Variants in PLEKHG2 observed in about 807,000 individuals in gnomAD.
The protein encoded by PLEKHG2 is pleckstrin homology domain-containing family G member 2.
Under a neutral mutation model 104.4 loss-of-function variants are expected in PLEKHG2, and 71 were observed. That is an observed-to-expected ratio of 0.68 (90% confidence interval 0.56 to 0.83). PLEKHG2 has a LOEUF of 0.83. Among genes scored for constraint, PLEKHG2 ranks in the 40% least tolerant of loss-of-function variants. The pLI is 0.00. For missense variants in PLEKHG2, 1,730 were observed against 1,809.4 expected (o/e 0.96, Z 0.80); for synonymous variants, 728 against 737.0 (o/e 0.99, Z 0.20).
intron 13 of PLEKHG2, 31 bp from the exon 14 acceptor site, chr19:39,420,918 T>C (rs752724007): frequency 6.2e-7 from 1 of 1,614,072 alleles, no homozygotes; most frequent in South Asian, 1.1e-5. Context: ...GGAGCTGGGC[T>C]CACACAGGGC....
intron 7 of PLEKHG2, 82 bp downstream of exon 7, chr19:39,417,082 C>T: frequency 6.9e-7 from 1 of 1,456,586 alleles, no homozygotes; most frequent in Non-Finnish European, 9.2e-7. Context: ...GGAGGATGGA[C>T]CCCCCACGAG....
rs1442735221 is a variant in PLEKHG2, at chr19:39,424,743, A to G, written c.3610A>G (p.Ile1204Val). ...LTPSLEQKSL[I>V]DAHVPAATPL... ...ACCTTCGTTGGAGCAGAAGAGCCTC[A>G]TAGATGCCCATGTTCCAGCTGCCAC... Residue 1204 changes from isoleucine to valine, a missense_variant, in exon 19 of 19, where the codon ATA becomes GTA. Coordinates refer to ENST00000425673, the MANE Select transcript of PLEKHG2 (RefSeq NM_022835.3). The G allele has an allele frequency of 1.9e-6, 3 of 1,614,074 alleles. No homozygotes were observed. Among genetic ancestry groups the G allele is most frequent in the Non-Finnish European group, 2.5e-6 (3 of 1,180,044 alleles).
At chr19:39,414,958 G>A (rs770403253) in intron 2 of PLEKHG2, 34 bp from the exon 3 acceptor site, 3 of 1,549,340 alleles carry the variant, frequency 1.9e-6, no homozygotes, top group Non-Finnish European at 2.6e-6. Flanking sequence ...TGCATGGGGA[G>A]ATTTCTCTGA....
rs2078596935 is a variant in PLEKHG2, at chr19:39,415,962, A to G, written c.480-386A>G. ...ACTGCTCAGTCCCGGACAAACCAGG[A>G]TGGTTGGTCACTGTGGTAAGGAGGA... On this transcript the variant is annotated intron_variant, in intron 4 of 18. Transcript: ENST00000425673. This position sits in a 1 kb window ranked among gnomAD's most constrained non-coding sequence, Gnocchi z 4.6. Among the ~76,000 whole-genome samples, 1 of 152,138 alleles carries G rather than the reference A, an allele frequency of 6.6e-6. No individual in the cohort carries two copies. Among genetic ancestry groups the G allele is most frequent in the African/African-American group, 2.4e-5 (1 of 41,420 alleles).
chr19:39,420,830 T>A lies in PLEKHG2; in HGVS notation c.1377T>A (p.Phe459Leu). Residue 459 changes from phenylalanine (F) to leucine (L), a missense_variant, in exon 13 of 19, where the codon TTT becomes TTA. Physicochemically the swap from Phe to Leu is conservative, Grantham distance 22. Coordinates refer to ENST00000425673, the MANE Select transcript of PLEKHG2 (RefSeq NM_022835.3). ...GSPRPRDARS[F>L]TPGRRNTAPS... ...CTCGACCTCGAGATGCTAGAAGTTTTACCCCTGGGCGAAGGAACACAGGTA... is the reference window on the plus strand; with the variant it reads ...CTCGACCTCGAGATGCTAGAAGTTTAACCCCTGGGCGAAGGAACACAGGTA... 2 of 1,614,186 alleles carry A rather than the reference T, an allele frequency of 1.2e-6. No individual in the cohort carries two copies. Among genetic ancestry groups the A allele is most frequent in the Non-Finnish European group, 1.7e-6 (2 of 1,180,038 alleles).
In PLEKHG2 at chr19:39,424,658, A is replaced by T. The variant is rs1911002502; in HGVS notation, c.3525A>T (p.Pro1175=). Residue 1175 remains proline (P), a synonymous_variant, in exon 19 of 19, where the codon CCA becomes CCT. Coordinates refer to ENST00000425673, the MANE Select transcript of PLEKHG2 (RefSeq NM_022835.3). ...KQGSLPDIQG[P]AAAPPLPEPS... ...GAAGCCTCCCAGACATCCAGGGTCC[A>T]GCGGCTGCACCTCCACTTCCGGAGC... The T allele has an allele frequency of 6.2e-7, 1 of 1,614,070 alleles. No individual in the cohort carries two copies. The highest frequency in any genetic ancestry group is 8.5e-7 in the Non-Finnish European group (1 of 1,180,038).
chr19:39,424,800 A>G lies in PLEKHG2; in HGVS notation c.3667A>G (p.Ile1223Val). 6.2e-7 allele frequency: 1 copy of G among 1,614,120 alleles called. No homozygotes were observed. The highest frequency in any genetic ancestry group is 1.1e-5 in the South Asian group (1 of 91,062). ...ACCTGAGAGAGGAGGCTCTCTAGAC[A>G]TTCAGGGCCTCTCACCCACCCCAGT... ...PLPERGGSLD[I>V]QGLSPTPVQT... is the part of the protein sequence containing the mutation. The change falls in exon 19 of 19, where the codon ATT (isoleucine) becomes GTT (valine). Residue 1223 changes from isoleucine (I) to valine (V), a missense_variant. Physicochemically the swap from Ile to Val is conservative, Grantham distance 29. Coordinates refer to ENST00000425673, the MANE Select transcript of PLEKHG2 (RefSeq NM_022835.3).
chr19:39,414,236 T>A (rs1024053395), intron 2 of PLEKHG2, 41 bp downstream of exon 2: 6 of 1,535,026 alleles, frequency 3.9e-6, no homozygotes, highest in Non-Finnish European at 5.3e-6. Context: ...GTGGGGCTTT[T>A]ATTCCTTGGC....
Position 39,423,582 on chromosome 19 carries a change from C to T in PLEKHG2, c.2528C>T (p.Pro843Leu), listed in dbSNP as rs374850282. ...GAGACTCGGGCATCAGCCAATGCCC[C>T]GCGCCGCCGGCCTCGGGTTCTGGCC... is the stretch of plus-strand genomic sequence containing the variant. ...RAETRASANA[P>L]RRRPRVLAQP... The change falls in exon 18 of 19, where the codon CCG becomes CTG. Residue 843 changes from proline (P) to leucine (L), a missense_variant. Pro to Leu is a moderately conservative substitution (Grantham distance 98). Coordinates refer to ENST00000425673, the MANE Select transcript of PLEKHG2 (RefSeq NM_022835.3). 4.4e-5 allele frequency: 68 copies of T among 1,533,298 alleles called. No homozygotes were observed. The highest frequency in any genetic ancestry group is 1.4e-4 in the East Asian group (6 of 43,920). 95.0% of individuals were successfully genotyped at this position (1,533,298 alleles called of 1,614,324 possible).
chr19:39,421,158 C>A, intron 15 of PLEKHG2, 45 bp downstream of exon 15: 1 of 1,614,018 alleles, frequency 6.2e-7, no homozygotes, highest in Non-Finnish European at 8.5e-7. Flanking sequence ...CTGTCTGTCG[C>A]CCGGTGGGAT....
rs745501106 is a variant in PLEKHG2 at position 39,424,500 on chromosome 19, A to G, written c.3367A>G (p.Ile1123Val). 3 of 1,613,818 alleles carry G rather than the reference A, an allele frequency of 1.9e-6. No individual in the cohort carries two copies. The highest frequency in any genetic ancestry group is 3.3e-5 in the Admixed American group (2 of 59,976). ...PAHGSHLDHRIPANAPLSLSQ... is the reference protein window; with the variant it reads ...PAHGSHLDHRVPANAPLSLSQ... ...ACATGGAAGCCACCTGGACCATCGG[A>G]TCCCAGCCAACGCCCCACTGTCTTT... The change falls in exon 19 of 19, where the codon ATC (isoleucine) becomes GTC (valine). Residue 1123 changes from isoleucine (I) to valine (V), a missense_variant. Transcript: ENST00000425673.
chr19:39,423,217 G>T lies in PLEKHG2; in HGVS notation c.2163G>T (p.Leu721=). The change falls in exon 18 of 19, where the codon CTG becomes CTT. Residue 721 remains leucine (L), a synonymous_variant. Coordinates refer to ENST00000425673, the MANE Select transcript of PLEKHG2 (RefSeq NM_022835.3). The part of the protein sequence containing the change: ...ELFSGSNPGK[L]GEPPSGGKAG... Reference sequence around the variant, plus strand: ...TTTCTGGGAGCAATCCTGGGAAACTGGGAGAGCCGCCTTCAGGAGGCAAGG... The same window carrying T: ...TTTCTGGGAGCAATCCTGGGAAACTTGGAGAGCCGCCTTCAGGAGGCAAGG... The T allele has an allele frequency of 6.2e-7, 1 of 1,613,022 alleles. No homozygotes were observed. Among genetic ancestry groups the T allele is most frequent in the Non-Finnish European group, 8.5e-7 (1 of 1,179,100 alleles).
At position 39,420,948 on chromosome 19, in the gene PLEKHG2, G is replaced by A. The variant is rs771187787; in HGVS notation, c.1400-1G>A. ...CAGGGCTCTGGCCCTCCCTCCCACA[G>A]CTCCATCTCCTGGGCCCTCTGTGAT... On this transcript the variant is annotated splice_acceptor_variant, in intron 13 of 18. Coordinates refer to ENST00000425673, the MANE Select transcript of PLEKHG2 (RefSeq NM_022835.3). LOFTEE classifies it high-confidence loss of function. 9.9e-6 allele frequency: 16 copies of A among 1,613,906 alleles called. No homozygotes were observed. The highest frequency in any genetic ancestry group is 9.3e-6 in the Non-Finnish European group (11 of 1,180,016).
Position 39,422,099 on chromosome 19 carries a change from C to T in PLEKHG2, c.1504-16C>T, listed in dbSNP as rs2078707158. 6.3e-7 allele frequency: 1 copy of T among 1,598,176 alleles called. No homozygotes were observed. Among genetic ancestry groups the T allele is most frequent in the East Asian group, 2.3e-5 (1 of 44,264 alleles). On this transcript the variant is annotated splice_polypyrimidine_tract_variant and intron_variant, in intron 16 of 18. Transcript: ENST00000425673. ...GAGTCTTGGCTCTTGCCTTCCATTG[C>T]TTTCCCTCCTCACAGCACGCTGGCA... is the stretch of plus-strand genomic sequence containing the variant.
chr19:39,417,594 G>A lies in PLEKHG2; in HGVS notation c.784G>A (p.Gly262Ser). 4 of 1,614,082 alleles carry A rather than the reference G, an allele frequency of 2.5e-6. No individual in the cohort carries two copies. Among genetic ancestry groups the A allele is most frequent in the East Asian group, 2.2e-5 (1 of 44,856 alleles). ...KHWAEGPGTG[G>S]REMVEEAIVS... ...CTGGGCGGAGGGCCCAGGCACTGGG[G>A]GTCGCGAGATGGTGGAGGAAGCTAT... Residue 262 changes from glycine to serine, a missense_variant, in exon 8 of 19, where the codon GGT becomes AGT. Gly to Ser is a moderately conservative substitution (Grantham distance 56). Coordinates refer to ENST00000425673, the MANE Select transcript of PLEKHG2 (RefSeq NM_022835.3).
chr19:39,422,369 G>T, intron 17 of PLEKHG2, 81 bp downstream of exon 17: 2 of 1,409,912 alleles, frequency 1.4e-6, no homozygotes, highest in Non-Finnish European at 1.9e-6. Context: ...GCCAGCCCAT[G>T]CTGATACCTT....
chr19:39,420,785 GAC>G lies in PLEKHG2; in HGVS notation c.1335_1336del (p.Pro447ThrfsTer10), dbSNP rs2078686838. On this transcript the variant is annotated frameshift_variant, in exon 13 of 19. Transcript: ENST00000425673. LOFTEE classifies it high-confidence loss of function. ...PKSKPVLEPLTPPLGSPRPRD... is the reference protein window; with the variant it reads ...PKSKPVLEPLXPPLGSPRPRD... ...AAAGTAAGCCTGTCCTAGAGCCCCTGACACCCCCACTTGGGTCTCCTCGACCT... is the reference window on the plus strand; with the variant it reads ...AAAGTAAGCCTGTCCTAGAGCCCCTGACCCCCACTTGGGTCTCCTCGACCT... 6.2e-7 allele frequency: 1 copy of G among 1,613,992 alleles called. No individual in the cohort carries two copies.
At chr19:39,421,648 C>G (rs1183863925) in intron 16 of PLEKHG2, 4 of 386,978 alleles carry the variant, frequency 1.0e-5, no homozygotes, top group African/African-American at 6.1e-5. Flanking sequence ...TGGGACACAC[C>G]ACTGCACTCC....
rs529118299 is a variant in PLEKHG2, at chr19:39,425,678, C to T, written c.*384C>T. The T allele has an allele frequency of 2.9e-6, 1 of 339,364 alleles. No individual in the cohort carries two copies. The highest frequency in any genetic ancestry group is 2.1e-5 in the African/African-American group (1 of 47,442). 21.0% of individuals were successfully genotyped at this position (339,364 alleles called of 1,614,324 possible). A position where few individuals can be genotyped will look rare whatever the true frequency, so the allele number is the denominator to read the frequency against. ...CACTATAACTTGGCGTGTGTGTGAA[C>T]TGCTTGATGCCCATCCAGGAAAGCC... On this transcript the variant is annotated 3_prime_UTR_variant, in exon 19 of 19. Coordinates refer to ENST00000425673, the MANE Select transcript of PLEKHG2 (RefSeq NM_022835.3).
Sources: allele counts gnomAD v4.1 joint callset (sites outside exome capture counted in the v4.1 genomes callset), GRCh38; gene constraint gnomAD v4.1.1; non-coding constraint Gnocchi (gnomAD v3.1); transcripts MANE v1.5; gene names NCBI Gene and HGNC (gene_info 2026-07-23, HGNC 2026-07-21).